ELAVL4: variants seen among roughly 807,000 people sequenced by gnomAD.
ELAVL4 encodes ELAV-like protein 4.
A neutral mutation model predicts 35.6 loss-of-function variants in ELAVL4; 1 was observed. That is an observed-to-expected ratio of 0.03 (90% CI 0.01 to 0.13). ELAVL4 has a LOEUF of 0.13. Among genes scored for constraint, ELAVL4 ranks in the 10% least tolerant of loss-of-function variants. The pLI is 1.00. For synonymous variants in ELAVL4, 156 were observed against 171.0 expected, an observed-to-expected ratio of 0.91 and a Z score of 0.69; for missense variants, 267 against 464.9, an observed-to-expected ratio of 0.57 and a Z score of 3.91.
chr1:50,070,751 A>G (rs1664481637), intron 1 of ELAVL4, among the ~76,000 whole-genome samples: 1 of 151,812 alleles, frequency 6.6e-6, no homozygotes, highest in Non-Finnish European at 1.5e-5. Flanking sequence ...AAAAAAAAAA[A>G]AAAAAAAAAG....
intron 1 of ELAVL4, among the ~76,000 whole-genome samples, chr1:50,087,873 C>G (rs956822297): frequency 3.9e-5 from 6 of 152,246 alleles, no homozygotes; most frequent in Middle Eastern, 3.2e-3. Context: ...GCCTCCACAA[C>G]TACAAGAAAA....
rs1557874732 is a variant in ELAVL4 at position 50,201,307 on chromosome 1, A to G, written c.*129A>G. The G allele has an allele frequency of 8.5e-7, 1 of 1,176,190 alleles. No homozygotes were observed. Among genetic ancestry groups the G allele is most frequent in the Non-Finnish European group, 1.1e-6 (1 of 884,280 alleles). The allele number at this position is 1,176,190 out of a possible 1,614,324, so 72.9% of individuals were successfully genotyped here. On this transcript the variant is annotated 3_prime_UTR_variant, in exon 7 of 7. Transcript: ENST00000371824. This position sits in a 1 kb window ranked among gnomAD's most constrained non-coding sequence, Gnocchi z 4.3. ...AGGCTTATATTCAACCATGGACTTT[A>G]TAAGCCAGTGTTGCCTAAGTATTAA...
chr1:50,178,986 A>G (rs1680577153), intron 3 of ELAVL4, among the ~76,000 whole-genome samples: 1 of 150,902 alleles, frequency 6.6e-6, no homozygotes, highest in South Asian at 2.1e-4. Flanking sequence ...TAAGTATTCC[A>G]TAAGGCCACT....
chr1:50,178,380 T>C (rs1412925424), intron 3 of ELAVL4, among the ~76,000 whole-genome samples: 1 of 152,238 alleles, frequency 6.6e-6, no homozygotes, highest in East Asian at 1.9e-4. Context: ...AGACTACTGG[T>C]ATAAGATAAT....
At chr1:50,170,449 G>GGC (rs1678798968) in intron 2 of ELAVL4, among the ~76,000 whole-genome samples, 2 of 152,120 alleles carry the variant, frequency 1.3e-5, no homozygotes, top group Non-Finnish European at 2.9e-5. Context: ...CAGAAACCAA[G>GGC]GCACAGGGAG....
intron 1 of ELAVL4, among the ~76,000 whole-genome samples, chr1:50,080,159 T>C (rs1473569384): frequency 6.6e-6 from 1 of 152,166 alleles, no homozygotes; most frequent in Non-Finnish European, 1.5e-5. Context: ...CTTTAAACAT[T>C]GCTAACATTA....
At chr1:50,165,285 C>G (rs996698830) in intron 2 of ELAVL4, among the ~76,000 whole-genome samples, 2 of 152,060 alleles carry the variant, frequency 1.3e-5, no homozygotes, top group Non-Finnish European at 2.9e-5. Flanking sequence ...GCCCTTTTCT[C>G]TAACAGAAGT....
intron 1 of ELAVL4, among the ~76,000 whole-genome samples, chr1:50,140,689 A>C (rs1363481708): frequency 6.6e-6 from 1 of 152,064 alleles, no homozygotes; most frequent in African/African-American, 2.4e-5. Flanking sequence ...ACATTTGCAA[A>C]TGTTTCTCAG....
intron 6 of ELAVL4, among the ~76,000 whole-genome samples, chr1:50,200,607 C>A (rs1644343133): frequency 6.6e-6 from 1 of 152,146 alleles, no homozygotes; most frequent in South Asian, 2.1e-4. Context: ...CTGGGAGTCC[C>A]TTATGGTTTT....
At chr1:50,165,113 G>A (rs1315400701) in intron 2 of ELAVL4, among the ~76,000 whole-genome samples, 1 of 152,116 alleles carries the variant, frequency 6.6e-6, no homozygotes, top group African/African-American at 2.4e-5. Flanking sequence ...CAGCAGCATG[G>A]TAATTCAGAT....
intron 2 of ELAVL4, among the ~76,000 whole-genome samples, chr1:50,173,192 T>C (rs916992685): frequency 1.3e-5 from 2 of 152,266 alleles, no homozygotes; most frequent in African/African-American, 4.8e-5. Flanking sequence ...AGATGTGTTT[T>C]GTTTCTAAGG....
At chr1:50,194,511 C>T (rs894405402) in intron 4 of ELAVL4, among the ~76,000 whole-genome samples, 5 of 152,144 alleles carry the variant, frequency 3.3e-5, no homozygotes, top group African/African-American at 4.8e-5. Context: ...AAGGTGTTTT[C>T]GCCTACCTCC....
chr1:50,135,639 G>T (rs1311119922), intron 1 of ELAVL4, among the ~76,000 whole-genome samples: 1 of 152,104 alleles, frequency 6.6e-6, no homozygotes, highest in East Asian at 1.9e-4. Context: ...TTGTTTTAAG[G>T]ATATGCTGAG....
chr1:50,100,525 G>C (rs2148513252), upstream of ELAVL4, among the ~76,000 whole-genome samples: 1 of 152,218 alleles, frequency 6.6e-6, no homozygotes, highest in East Asian at 1.9e-4. Flanking sequence ...CTCAGTTCAG[G>C]CTTCTCCCAC....
chr1:50,187,939 T>C (rs758801088), intron 3 of ELAVL4, among the ~76,000 whole-genome samples: 1 of 151,944 alleles, frequency 6.6e-6, no homozygotes, highest in Admixed American at 6.6e-5. Context: ...CTACTAAAAA[T>C]ATAAAATTAG....
chr1:50,160,282 A>T (rs1467119802), intron 2 of ELAVL4, among the ~76,000 whole-genome samples: 1 of 152,222 alleles, frequency 6.6e-6, no homozygotes, highest in Non-Finnish European at 1.5e-5. Flanking sequence ...ATCAAAGAAG[A>T]TGACGTTCCC....
chr1:50,185,737 T>C (rs570338469), intron 3 of ELAVL4, among the ~76,000 whole-genome samples: 1 of 152,344 alleles, frequency 6.6e-6, no homozygotes, highest in Non-Finnish European at 1.5e-5. Flanking sequence ...GGGGGACTTT[T>C]TTCCATCTAC....
At chr1:50,175,003 G>A (rs959485652) in intron 2 of ELAVL4, among the ~76,000 whole-genome samples, 5 of 151,702 alleles carry the variant, frequency 3.3e-5, no homozygotes, top group Middle Eastern at 3.4e-3. Flanking sequence ...AAATTAAATT[G>A]GGCTGGATAG....
At chr1:50,110,075 A>G in intron 1 of ELAVL4, 1 of 1,382,156 alleles carries the variant, frequency 7.2e-7, no homozygotes, top group Non-Finnish European at 1.0e-6. Flanking sequence ...ATCGTAAATC[A>G]CTGTGCTGAT....
Sources: gnomAD v4.1 joint callset for allele counts (sites outside exome capture counted in the v4.1 genomes callset) on GRCh38, gnomAD v4.1.1 for gene constraint, Gnocchi (gnomAD v3.1) non-coding constraint, MANE v1.5 for transcripts, NCBI Gene and HGNC (gene_info 2026-07-23, HGNC 2026-07-21) for gene names.